TRPM1: variants seen among roughly 807,000 people sequenced by gnomAD.
TRPM1 encodes TRPM1-203 APA Isoform, Intron 10.
TRPM1 carries 113 observed loss-of-function variants against 149.4 expected under a neutral mutation model. That is an observed-to-expected ratio of 0.76 (90% CI 0.65 to 0.88). TRPM1 has a LOEUF of 0.88. TRPM1 is among the 40% of genes least tolerant of loss of function. TRPM1 has a pLI of 0.00. For synonymous variants in TRPM1, 741 were observed against 759.5 expected, an observed-to-expected ratio of 0.98 and a Z score of 0.40; for missense variants, 1,976 against 2,038.7, an observed-to-expected ratio of 0.97 and a Z score of 0.59.
At chr15:31,138,009 G>A (rs1250022267) in intron 1 of TRPM1, among the ~76,000 whole-genome samples, 1 of 152,146 alleles carries the variant, frequency 6.6e-6, no homozygotes, top group Non-Finnish European at 1.5e-5. Context: ...AACTGGGGAA[G>A]CCCAAACATG....
exon 1 of TRPM1, chr15:31,160,908 T>C (rs933019145): frequency 1.3e-6 from 2 of 1,535,504 alleles, no homozygotes. Flanking sequence ...TCACTCACCT[T>C]CTGCGACCCT....
At chr15:31,037,138 C>T (rs2033424954) in intron 20 of TRPM1, among the ~76,000 whole-genome samples, 1 of 152,258 alleles carries the variant, frequency 6.6e-6, no homozygotes, top group Non-Finnish European at 1.5e-5. Context: ...CTCCTGCCTC[C>T]TCTCCTGTTC....
intron 1 of TRPM1, among the ~76,000 whole-genome samples, chr15:31,130,367 C>T (rs909530078): frequency 3.9e-5 from 6 of 152,224 alleles, no homozygotes; most frequent in African/African-American, 1.2e-4. Flanking sequence ...TGTCCTTGTT[C>T]ATTCCTGGGT....
intron 1 of TRPM1, among the ~76,000 whole-genome samples, chr15:31,149,685 A>C (rs371273568): frequency 1.3e-5 from 2 of 151,910 alleles, no homozygotes; most frequent in Admixed American, 6.6e-5. Context: ...GCGCCTGGCT[A>C]ATTTTTTGTA....
chr15:31,130,125 C>T (rs1169283924), intron 1 of TRPM1, among the ~76,000 whole-genome samples: 1 of 152,212 alleles, frequency 6.6e-6, no homozygotes, highest in East Asian at 1.9e-4. Context: ...CTGGACACAT[C>T]TTCATGGCCC....
intron 1 of TRPM1, among the ~76,000 whole-genome samples, chr15:31,130,243 A>T (rs2035999865): frequency 6.6e-6 from 1 of 152,180 alleles, no homozygotes; most frequent in Non-Finnish European, 1.5e-5. Flanking sequence ...ACAGGGTCAA[A>T]ATGAGAAGCA....
At chr15:31,026,744 A>T (rs963520011) in intron 26 of TRPM1, among the ~76,000 whole-genome samples, 171 bp downstream of exon 26, 1 of 152,210 alleles carries the variant, frequency 6.6e-6, no homozygotes, top group African/African-American at 2.4e-5. Context: ...AATTAACGAA[A>T]CTAGAATAAA....
chr15:31,038,309 A>G lies in TRPM1; in HGVS notation c.2317-143T>C, dbSNP rs1483725785. Reference sequence around the variant, plus strand: ...GTTATCCCTGGTCTGACGTTCTGTGACATGTGCTTGGTAAATTAGTAGAAT... The same window carrying G: ...GTTATCCCTGGTCTGACGTTCTGTGGCATGTGCTTGGTAAATTAGTAGAAT... On this transcript the variant is annotated intron_variant, in intron 18 of 27. Transcript: ENST00000256552. 3 of 953,994 alleles carry G rather than the reference A, an allele frequency of 3.1e-6. No individual in the cohort carries two copies. The African/African-American group carries it at 5.0e-5, about 16-fold the overall frequency. 59.1% of individuals were successfully genotyped at this position (953,994 alleles called of 1,614,324 possible).
chr15:31,090,602 A>T (rs1306488133), intron 1 of TRPM1, among the ~76,000 whole-genome samples: 1 of 151,698 alleles, frequency 6.6e-6, no homozygotes, highest in Non-Finnish European at 1.5e-5. Flanking sequence ...GTGCCACTGC[A>T]CTCTAGCCTG....
chr15:31,085,253 C>G (rs1467766768), intron 1 of TRPM1, among the ~76,000 whole-genome samples: 1 of 152,194 alleles, frequency 6.6e-6, no homozygotes, highest in African/African-American at 2.4e-5. Flanking sequence ...TCCAAGAGTC[C>G]AGCCTCATGG....
chr15:31,065,357 A>G (rs1426920391), intron 7 of TRPM1, among the ~76,000 whole-genome samples: 1 of 152,218 alleles, frequency 6.6e-6, no homozygotes, highest in African/African-American at 2.4e-5. Flanking sequence ...GTCTCCCACA[A>G]AAATCTTGCC....
intron 1 of TRPM1, among the ~76,000 whole-genome samples, chr15:31,112,414 G>A (rs2035702449): frequency 6.6e-6 from 1 of 152,184 alleles, no homozygotes; most frequent in African/African-American, 2.4e-5. Context: ...GGAGGTGGAG[G>A]TTGTGGTGAG....
chr15:31,029,438 C>T (rs2032957813), intron 23 of TRPM1, 47 bp from the exon 24 acceptor site: 2 of 1,599,184 alleles, frequency 1.3e-6, no homozygotes, highest in Non-Finnish European at 1.7e-6. Flanking sequence ...TTTGTTTTGA[C>T]AGGAGGGGAG....
chr15:31,101,147 G>A (rs957029037), intron 1 of TRPM1, among the ~76,000 whole-genome samples: 1 of 152,222 alleles, frequency 6.6e-6, no homozygotes, highest in Non-Finnish European at 1.5e-5. Flanking sequence ...ATTTTCTGGG[G>A]TTCTAAGGAA....
chr15:31,032,993 G>A, intron 21 of TRPM1, 53 bp from the exon 22 acceptor site: 5 of 1,610,508 alleles, frequency 3.1e-6, no homozygotes, highest in South Asian at 1.1e-5. Context: ...TAGAAGTCTT[G>A]TCTTAGAATC....
intron 3 of TRPM1, 31 bp downstream of exon 3, chr15:31,076,874 G>A (rs1416275245): frequency 6.7e-7 from 1 of 1,496,340 alleles, no homozygotes; most frequent in Non-Finnish European, 9.3e-7. Context: ...CACTGGTTTG[G>A]ATAATGTCTT....
At chr15:31,076,595 T>C (rs988022814) in intron 3 of TRPM1, among the ~76,000 whole-genome samples, 2 of 152,220 alleles carry the variant, frequency 1.3e-5, no homozygotes, top group African/African-American at 4.8e-5. Flanking sequence ...TGAAGAGGCC[T>C]GGAAAATATC....
intron 11 of TRPM1, among the ~76,000 whole-genome samples, chr15:31,058,360 C>T (rs1053002239): frequency 6.6e-6 from 1 of 152,112 alleles, no homozygotes; most frequent in African/African-American, 2.4e-5. Flanking sequence ...TGATGGAAAC[C>T]TTGATGCCTG....
chr15:31,064,689 T>C (rs1044105591), intron 7 of TRPM1, among the ~76,000 whole-genome samples: 2 of 152,098 alleles, frequency 1.3e-5, no homozygotes, highest in Non-Finnish European at 2.9e-5. Flanking sequence ...AAGAGAAGAT[T>C]GGAGAATTTC....
Sources: gnomAD v4.1 joint callset for allele counts (sites outside exome capture counted in the v4.1 genomes callset) on GRCh38, gnomAD v4.1.1 for gene constraint, MANE v1.5 for transcripts, NCBI Gene and HGNC (gene_info 2026-07-23, HGNC 2026-07-21) for gene names.